PPP1R1C: variants seen among roughly 807,000 people sequenced by gnomAD.
PPP1R1C encodes the protein protein phosphatase 1 regulatory inhibitor subunit 1C.
In PPP1R1C, 15 loss-of-function variants were observed where a neutral mutation model predicts 17.4. That is an observed-to-expected ratio of 0.86 (90% CI 0.58 to 1.33). The LOEUF (loss-of-function observed/expected upper bound fraction) is 1.33. Ranked by LOEUF, PPP1R1C falls within the 40% of genes most tolerant of loss-of-function variation. PPP1R1C has a pLI of 0.00. For missense variants in PPP1R1C, 143 were observed against 130.0 expected (o/e 1.10, Z -0.48); for synonymous variants, 35 against 43.1 (o/e 0.81, Z 0.73).
At chr2:181,969,200 T>C (rs547295772) in intron 1 of PPP1R1C, among the ~76,000 whole-genome samples, 1 of 152,200 alleles carries the variant, frequency 6.6e-6, no homozygotes, top group Non-Finnish European at 1.5e-5. Context: ...GTGAGTTTTA[T>C]ACCTTCAGAT....
intron 2 of PPP1R1C, among the ~76,000 whole-genome samples, chr2:182,052,045 AT>A (rs1348944280): frequency 6.6e-6 from 1 of 152,256 alleles, no homozygotes; most frequent in South Asian, 2.1e-4. Flanking sequence ...AATACTTAAT[AT>A]TTTTGACAAA....
At chr2:182,091,074 A>AAT (rs1688766220) in intron 4 of PPP1R1C, among the ~76,000 whole-genome samples, 1 of 152,210 alleles carries the variant, frequency 6.6e-6, no homozygotes, top group African/African-American at 2.4e-5. Context: ...TGTATTGATG[A>AAT]AGGACTTTTC....
downstream of PPP1R1C, among the ~76,000 whole-genome samples, chr2:182,119,982 A>G (rs571977619): frequency 8.5e-5 from 13 of 152,304 alleles, no homozygotes; most frequent in African/African-American, 3.1e-4. Context: ...GTCCTTGCCC[A>G]TGCCTATGTC....
At chr2:182,021,321 CTTT>C (rs71008205) in intron 2 of PPP1R1C, among the ~76,000 whole-genome samples, 41,083 of 90,854 alleles carry the variant, frequency 0.45, 9,332 homozygotes, top group East Asian at 0.62. Flanking sequence ...CTCTCTCTCT[CTTT>C]TTTTTTTTTT....
chr2:181,997,311 T>C (rs1166646682), intron 2 of PPP1R1C, among the ~76,000 whole-genome samples: 4 of 149,734 alleles, frequency 2.7e-5, no homozygotes, highest in Admixed American at 6.6e-5. Flanking sequence ...CACACAGAGG[T>C]AGATATCCAA....
At chr2:182,044,846 C>T (rs546614676) in intron 2 of PPP1R1C, among the ~76,000 whole-genome samples, 10 of 152,188 alleles carry the variant, frequency 6.6e-5, no homozygotes, top group South Asian at 2.1e-4. Context: ...TTATCATAGG[C>T]GTTAATCTAC....
At chr2:182,018,890 A>G (rs1686336025) in intron 2 of PPP1R1C, among the ~76,000 whole-genome samples, 1 of 152,198 alleles carries the variant, frequency 6.6e-6, no homozygotes, top group East Asian at 1.9e-4. Flanking sequence ...AATGAGGATG[A>G]TGAGAGAGTC....
chr2:182,039,586 T>A (rs746181781), intron 2 of PPP1R1C, among the ~76,000 whole-genome samples: 3 of 152,144 alleles, frequency 2.0e-5, no homozygotes, highest in Non-Finnish European at 4.4e-5. Flanking sequence ...GATCTCATTA[T>A]TTTGCCCAAG....
Position 182,089,206 on chromosome 2 carries a change from A to G in PPP1R1C, c.241+25415A>G, listed in dbSNP as rs972644661. Among the ~76,000 whole-genome samples, 4 of 152,222 alleles carry G rather than the reference A, an allele frequency of 2.6e-5. No individual in the cohort carries two copies. The South Asian group carries it at 8.3e-4, about 32-fold the overall frequency. On this transcript the variant is annotated intron_variant, in intron 4 of 4. Coordinates refer to ENST00000682840, the MANE Select transcript of PPP1R1C (RefSeq NM_001080545.3). ...GAAATAGATCCCAGCTGTTTGGATC[A>G]TCTGAACCCGAGAATAACTAAATGC... is the stretch of plus-strand genomic sequence containing the variant.
chr2:181,964,588 G>A lies in PPP1R1C; in HGVS notation n.111+9954G>A, dbSNP rs114329171. On this transcript the variant is annotated intron_variant and non_coding_transcript_variant, in intron 1 of 5. Transcript: ENST00000464264. ...ATACTAATTTACATTCCCACCAATG[G>A]GGTACAGAGTTTCCTGTTTTGCTAC... Among the ~76,000 whole-genome samples, 1,329 of 152,174 alleles carry A rather than the reference G, an allele frequency of 8.7e-3. 10 individuals are homozygous for A. Among genetic ancestry groups the A allele is most frequent in the African/African-American group, 0.03 (1,229 of 41,506 alleles).
intron 1 of PPP1R1C, among the ~76,000 whole-genome samples, chr2:181,973,619 A>C (rs551308147): frequency 6.6e-6 from 1 of 152,344 alleles, no homozygotes; most frequent in South Asian, 2.1e-4. Flanking sequence ...TTCAGTGTCA[A>C]CTGAGAGCTG....
At chr2:182,055,217 T>C (rs1687645299) in intron 2 of PPP1R1C, among the ~76,000 whole-genome samples, 1 of 152,234 alleles carries the variant, frequency 6.6e-6, no homozygotes, top group Admixed American at 6.5e-5. Context: ...CACAGTTTGC[T>C]GGTGCCAACT....
intron 4 of PPP1R1C, among the ~76,000 whole-genome samples, chr2:182,079,455 G>C (rs149419931): frequency 5.3e-5 from 8 of 152,134 alleles, no homozygotes; most frequent in Admixed American, 5.2e-4. Flanking sequence ...AAAAATAATA[G>C]AGGAAGTATA....
At chr2:182,115,329 A>C (rs2125236820) in intron 4 of PPP1R1C, among the ~76,000 whole-genome samples, 1 of 152,288 alleles carries the variant, frequency 6.6e-6, no homozygotes, top group South Asian at 2.1e-4. Flanking sequence ...GTCTCTTAAT[A>C]ATGGAACTTT....
chr2:182,111,256 G>T (rs147966850), intron 4 of PPP1R1C, among the ~76,000 whole-genome samples: 2,392 of 152,182 alleles, frequency 0.016, 35 homozygotes, highest in South Asian at 0.056. Context: ...CTTATGAATA[G>T]CACATAAACA....
At chr2:182,057,174 T>C (rs1687708874) in intron 2 of PPP1R1C, among the ~76,000 whole-genome samples, 1 of 152,184 alleles carries the variant, frequency 6.6e-6, no homozygotes, top group Non-Finnish European at 1.5e-5. Context: ...TATGCTATTG[T>C]GCTCAGAGAT....
chr2:182,123,568 C>G (rs927361545), intron 5 of PPP1R1C, among the ~76,000 whole-genome samples: 1 of 152,212 alleles, frequency 6.6e-6, no homozygotes. Flanking sequence ...GATGTTATCT[C>G]ATGGTGGTTT....
chr2:182,073,607 T>C (rs1358533883), intron 4 of PPP1R1C, among the ~76,000 whole-genome samples: 1 of 152,176 alleles, frequency 6.6e-6, no homozygotes, highest in Non-Finnish European at 1.5e-5. Flanking sequence ...TCCCTGAGAT[T>C]GATATGGACA....
chr2:182,074,560 T>C lies in PPP1R1C; in HGVS notation c.241+10769T>C, dbSNP rs576185568. 3.9e-5 allele frequency among the ~76,000 whole-genome samples: 6 copies of C among 152,310 alleles called. No homozygotes were observed. The South Asian group carries it at 1.2e-3, about 32-fold the overall frequency. On this transcript the variant is annotated intron_variant, in intron 4 of 4. Coordinates refer to ENST00000682840, the MANE Select transcript of PPP1R1C (RefSeq NM_001080545.3). Reference sequence around the variant, plus strand: ...AATCCTTGTAAAATGTGTTAAAATATAAAAATGTCAAGATAAATTGAGAAA... The same window carrying C: ...AATCCTTGTAAAATGTGTTAAAATACAAAAATGTCAAGATAAATTGAGAAA...
Sources: allele counts gnomAD v4.1 joint callset (sites outside exome capture counted in the v4.1 genomes callset), GRCh38; gene constraint gnomAD v4.1.1; transcripts MANE v1.5; gene names NCBI Gene and HGNC (gene_info 2026-07-23, HGNC 2026-07-21).